PCSK2: variants seen among roughly 807,000 people sequenced by gnomAD.
PCSK2 encodes neuroendocrine convertase 2.
In PCSK2, 14 loss-of-function variants were observed where a neutral mutation model predicts 69.7. The ratio of observed to expected loss-of-function variants is 0.20; its 90% CI spans 0.13 to 0.31. PCSK2 has a LOEUF of 0.31. Among genes scored for constraint, PCSK2 ranks in the 10% least tolerant of loss-of-function variants. The pLI is 1.00. For synonymous variants in PCSK2, 307 were observed against 320.7 expected, an observed-to-expected ratio of 0.96 and a Z score of 0.46; for missense variants, 544 against 842.5, an observed-to-expected ratio of 0.65 and a Z score of 4.39.
chr20:17,303,478 TA>T (rs1989190161), intron 2 of PCSK2, among the ~76,000 whole-genome samples: 2 of 94,138 alleles, frequency 2.1e-5, no homozygotes, highest in African/African-American at 9.8e-5. Flanking sequence ...ATATTATATA[TA>T]ATATATATTA....
At chr20:17,372,143 G>A (rs1278436683) in intron 5 of PCSK2, among the ~76,000 whole-genome samples, 2 of 152,108 alleles carry the variant, frequency 1.3e-5, no homozygotes, top group Non-Finnish European at 2.9e-5. Flanking sequence ...TTATTGGGAG[G>A]CCAAGGCAGG....
At chr20:17,331,634 T>A (rs755138555) in intron 2 of PCSK2, among the ~76,000 whole-genome samples, 3 of 152,218 alleles carry the variant, frequency 2.0e-5, no homozygotes, top group Non-Finnish European at 4.4e-5. Context: ...AAACAGATCT[T>A]GGGGCACTTA....
chr20:17,462,769 G>A (rs1363839291), intron 10 of PCSK2, among the ~76,000 whole-genome samples: 1 of 152,146 alleles, frequency 6.6e-6, no homozygotes, highest in Non-Finnish European at 1.5e-5. Flanking sequence ...AAACATTTGA[G>A]AACAGGGAAG....
At position 17,456,462 on chromosome 20, in the gene PCSK2, T is replaced by TTAGC; in HGVS notation, c.1202+14_1202+15insTAGC. 6.8e-7 allele frequency: 1 copy of TTAGC among 1,468,504 alleles called. No homozygotes were observed. The highest frequency in any genetic ancestry group is 9.5e-7 in the Non-Finnish European group (1 of 1,047,934). 91.0% of individuals were successfully genotyped at this position (1,468,504 alleles called of 1,614,324 possible). On this transcript the variant is annotated intron_variant, in intron 10 of 11. Coordinates refer to ENST00000262545, the MANE Select transcript of PCSK2 (RefSeq NM_002594.5). ...TCTGGAGGCTAAGTATGTTCATAGC[T>TTAGC]CTGGGTCCAGGGCCAGCTCTGCAGG... is the stretch of plus-strand genomic sequence containing the variant.
chr20:17,462,071 G>A (rs1208076278), intron 10 of PCSK2, among the ~76,000 whole-genome samples: 1 of 152,116 alleles, frequency 6.6e-6, no homozygotes, highest in Non-Finnish European at 1.5e-5. Context: ...TAAAAACACA[G>A]ATACCCTAAG....
chr20:17,328,286 G>C (rs1025052820), intron 2 of PCSK2, among the ~76,000 whole-genome samples: 4 of 151,374 alleles, frequency 2.6e-5, no homozygotes, highest in Non-Finnish European at 5.9e-5. Context: ...CCACAATGGA[G>C]TTTCCTTCCC....
chr20:17,390,714 A>G (rs1277321462), intron 5 of PCSK2, among the ~76,000 whole-genome samples: 1 of 152,194 alleles, frequency 6.6e-6, no homozygotes, highest in East Asian at 1.9e-4. Flanking sequence ...CCTTTTTAAT[A>G]TAGAATCAAG....
intron 2 of PCSK2, among the ~76,000 whole-genome samples, chr20:17,341,517 G>C (rs1322993537): frequency 6.6e-6 from 1 of 152,180 alleles, no homozygotes; most frequent in African/African-American, 2.4e-5. Context: ...AAGGGGTCTT[G>C]CTGAAAAATT....
intron 8 of PCSK2, among the ~76,000 whole-genome samples, chr20:17,440,695 T>A (rs928670843): frequency 6.6e-6 from 1 of 152,126 alleles, no homozygotes; most frequent in African/African-American, 2.4e-5. Flanking sequence ...ACCCCGTCTC[T>A]ACTAAAGATA....
At chr20:17,437,583 C>T (rs188234788) in intron 8 of PCSK2, among the ~76,000 whole-genome samples, 2 of 152,300 alleles carry the variant, frequency 1.3e-5, no homozygotes, top group East Asian at 3.9e-4. Context: ...TTAGCCTCGC[C>T]TGTAAAACGG....
At chr20:17,253,167 A>C (rs1987055256) in intron 1 of PCSK2, among the ~76,000 whole-genome samples, 2 of 152,228 alleles carry the variant, frequency 1.3e-5, no homozygotes, top group Non-Finnish European at 2.9e-5. Context: ...TGATAATCAC[A>C]AAGCTGTTCA....
intron 7 of PCSK2, among the ~76,000 whole-genome samples, chr20:17,429,755 A>G (rs2032326498): frequency 6.6e-6 from 1 of 152,198 alleles, no homozygotes; most frequent in Admixed American, 6.5e-5. Context: ...TAAGCTAATG[A>G]CTTTTCCCAA....
Position 17,282,748 on chromosome 20 carries a change from G to A in PCSK2, c.282+22404G>A, listed in dbSNP as rs562016881. On this transcript the variant is annotated intron_variant, in intron 2 of 11. Transcript: ENST00000262545. The stretch of plus-strand genomic sequence containing the variant: ...TTTCCTTTGAAAGGGCACACACGCT[G>A]TGAAAAAAAAAAAAGAAAGGGTTAT... Among the ~76,000 whole-genome samples, 9 of 149,130 alleles carry A rather than the reference G, an allele frequency of 6.0e-5. No homozygotes were observed. In the South Asian group the frequency reaches 1.5e-3, roughly 25 times the overall value.
intron 2 of PCSK2, among the ~76,000 whole-genome samples, chr20:17,330,144 A>C (rs76767342): frequency 0.01 from 1,556 of 152,360 alleles, 24 homozygotes; most frequent in African/African-American, 0.034. Flanking sequence ...TAAGTCTTCA[A>C]ACACCAGTGT....
chr20:17,465,938 G>A (rs1006371130), intron 11 of PCSK2, among the ~76,000 whole-genome samples: 11 of 152,062 alleles, frequency 7.2e-5, no homozygotes, highest in Non-Finnish European at 1.3e-4. Context: ...CAAAGTACTG[G>A]GATTACAGGT....
intron 2 of PCSK2, among the ~76,000 whole-genome samples, chr20:17,275,621 A>G (rs1325465671): frequency 3.9e-5 from 6 of 152,192 alleles, no homozygotes; most frequent in Admixed American, 2.6e-4. Flanking sequence ...GTTTAAAAGA[A>G]GCTCAAATAA....
intron 5 of PCSK2, among the ~76,000 whole-genome samples, chr20:17,376,375 A>G (rs2123243427): frequency 6.6e-6 from 1 of 152,294 alleles, no homozygotes; most frequent in Non-Finnish European, 1.5e-5. Context: ...CTGACATATT[A>G]TGGCCGTTTT....
intron 7 of PCSK2, among the ~76,000 whole-genome samples, chr20:17,434,272 C>G (rs2032439140): frequency 6.6e-6 from 1 of 151,966 alleles, no homozygotes; most frequent in Admixed American, 6.6e-5. Flanking sequence ...TCGGTCTACT[C>G]TCTGTCTCCA....
chr20:17,453,833 T>C lies in PCSK2; in HGVS notation c.977T>C (p.Met326Thr). The C allele has an allele frequency of 6.2e-7, 1 of 1,614,254 alleles. No homozygotes were observed. Residue 326 changes from methionine (M) to threonine (T), a missense_variant, in exon 9 of 12, where the codon ATG becomes ACG. Transcript: ENST00000262545. This position sits in a 1 kb window ranked among gnomAD's most constrained non-coding sequence, Gnocchi z 4.0. Reference protein sequence around the residue: ...DCNCDGYASSMWTISINSAIN... With the variant: ...DCNCDGYASSTWTISINSAIN... Reference sequence around the variant, plus strand: ...AACTGCGACGGCTACGCCTCCAGCATGTGGACCATCTCCATCAACTCAGCC... The same window carrying C: ...AACTGCGACGGCTACGCCTCCAGCACGTGGACCATCTCCATCAACTCAGCC...
Sources: allele counts gnomAD v4.1 joint callset (sites outside exome capture counted in the v4.1 genomes callset), GRCh38; gene constraint gnomAD v4.1.1; non-coding constraint Gnocchi (gnomAD v3.1); transcripts MANE v1.5; gene names NCBI Gene and HGNC (gene_info 2026-07-23, HGNC 2026-07-21).